CFAP45: variants seen among roughly 807,000 people sequenced by gnomAD.
The protein encoded by CFAP45 is cilia and flagella associated protein 45.
CFAP45 carries 43 observed loss-of-function variants against 75.6 expected under a neutral mutation model. That is an observed-to-expected ratio of 0.57 (90% CI 0.45 to 0.73). The LOEUF (loss-of-function observed/expected upper bound fraction) is 0.73. Ranked by LOEUF, CFAP45 falls within the 30% of genes least tolerant of loss-of-function variation. CFAP45 has a pLI of 0.00. For synonymous variants in CFAP45, 223 were observed against 244.6 expected (o/e 0.91, Z 0.82); for missense variants, 689 against 701.5 (o/e 0.98, Z 0.20).
intron 1 of CFAP45, among the ~76,000 whole-genome samples, chr1:159,896,616 T>C (rs1649956916): frequency 6.6e-6 from 1 of 152,138 alleles, no homozygotes; most frequent in Admixed American, 6.5e-5. Flanking sequence ...AAATAAATAT[T>C]GCCAAGAAGC....
chr1:159,877,263 C>T (rs1649424530), intron 9 of CFAP45, 86 bp downstream of exon 9: 2 of 962,122 alleles, frequency 2.1e-6, no homozygotes, highest in African/African-American at 1.6e-5. Context: ...CGCATCTCCA[C>T]CCTCAAGGCC....
intron 10 of CFAP45, chr1:159,873,500 T>C: frequency 3.1e-6 from 1 of 320,902 alleles, no homozygotes; most frequent in South Asian, 3.6e-5. Flanking sequence ...CCACACTCTC[T>C]TGCTCTGTCA....
chr1:159,874,581 C>T (rs1017246349), intron 10 of CFAP45, among the ~76,000 whole-genome samples: 1 of 152,166 alleles, frequency 6.6e-6, no homozygotes, highest in Non-Finnish European at 1.5e-5. Flanking sequence ...ATTGTTTCAC[C>T]CTCTTCTGAG....
intron 10 of CFAP45, among the ~76,000 whole-genome samples, chr1:159,875,747 C>T (rs1443966099): frequency 6.6e-6 from 1 of 152,138 alleles, no homozygotes; most frequent in East Asian, 1.9e-4. Context: ...GAGAGTCATT[C>T]CCAGTTAGAC....
chr1:159,881,071 C>T (rs1198368279), intron 7 of CFAP45, among the ~76,000 whole-genome samples: 1 of 152,220 alleles, frequency 6.6e-6, no homozygotes, highest in Non-Finnish European at 1.5e-5. Context: ...CCATTTAAAC[C>T]TAACTTTCAC....
At chr1:159,897,988 C>T in intron 1 of CFAP45, 1 of 443,848 alleles carries the variant, frequency 2.3e-6, no homozygotes, top group Non-Finnish European at 3.0e-6. Context: ...GTGAAGTTTC[C>T]CTGATGTAAC....
chr1:159,884,497 C>T lies in CFAP45; in HGVS notation c.836G>A (p.Arg279Gln), dbSNP rs767864203. 2.2e-5 allele frequency: 36 copies of T among 1,613,796 alleles called. No homozygotes were observed. The highest frequency in any genetic ancestry group is 1.6e-4 in the Middle Eastern group (1 of 6,084). ...CAGCATCTGCTCCTTCTCCTGCTCC[C>T]GCTGCTCAGCAAGCAGCGATCGCTC... ...QEERSLLAEQ[R>Q]EQEKEQMLEY... The change falls in exon 7 of 12, where the codon CGG (arginine) becomes CAG (glutamine). Residue 279 changes from arginine (R) to glutamine (Q), a missense_variant. Transcript: ENST00000368099.
intron 1 of CFAP45, among the ~76,000 whole-genome samples, chr1:159,895,081 A>C (rs1350371137): frequency 2.6e-5 from 4 of 152,240 alleles, no homozygotes; most frequent in African/African-American, 9.6e-5. Context: ...TTAAATTGGA[A>C]TTCTGGCTCT....
At chr1:159,877,533 C>T (rs578052825) in intron 8 of CFAP45, 71 bp from the exon 9 acceptor site, 4 of 1,039,724 alleles carry the variant, frequency 3.8e-6, no homozygotes, top group Admixed American at 1.7e-5. Context: ...AAAACCCCTA[C>T]AACAGACTTT....
Position 159,876,758 on chromosome 1 carries a change from G to C in CFAP45, c.1159-9C>G, listed in dbSNP as rs1173258158. On this transcript the variant is annotated splice_polypyrimidine_tract_variant and intron_variant, in intron 9 of 11. Coordinates refer to ENST00000368099, the MANE Select transcript of CFAP45 (RefSeq NM_012337.3). ...TTGGCCCGCAAGGCATCCTGGGAAT[G>C]TTGGCAGGGGACCAGTGAGGGCACA... 6.2e-7 allele frequency: 1 copy of C among 1,614,138 alleles called. No homozygotes were observed. The highest frequency in any genetic ancestry group is 1.3e-5 in the African/African-American group (1 of 75,058).
At position 159,893,232 on chromosome 1, in the gene CFAP45, C is replaced by T. The variant is rs368850939; in HGVS notation, c.77G>A (p.Arg26Gln). The T allele has an allele frequency of 5.0e-6, 8 of 1,613,980 alleles. No individual in the cohort carries two copies. The highest frequency in any genetic ancestry group is 1.7e-4 in the Middle Eastern group (1 of 5,998). The change falls in exon 2 of 12, where the codon CGG (arginine) becomes CAG (glutamine). Residue 26 changes from arginine (R) to glutamine (Q), a missense_variant. By Grantham distance (43) the Arg-to-Gln change is conservative. Coordinates refer to ENST00000368099, the MANE Select transcript of CFAP45 (RefSeq NM_012337.3). ...SNRSRNKARY[R>Q]TKAVSSEVDE... Reference sequence around the variant, plus strand: ...CACCTCAGAGCTCACGGCTTTGGTCCGATAGCGAGCCTTATTCCTTGACCT... The same window carrying T: ...CACCTCAGAGCTCACGGCTTTGGTCTGATAGCGAGCCTTATTCCTTGACCT...
Position 159,876,636 on chromosome 1 carries a change from C to A in CFAP45, c.1272G>T (p.Arg424=), listed in dbSNP as rs2101841154. ...GCTCCTTGAAAGCCACCTGTTCGAGCCGACTTTTTCGCAGCTCAGCCTCTG... is the reference window on the plus strand; with the variant it reads ...GCTCCTTGAAAGCCACCTGTTCGAGACGACTTTTTCGCAGCTCAGCCTCTG... ...METEAELRKS[R]LEQVAFKEHA... Residue 424 remains arginine, a synonymous_variant, in exon 10 of 12, where the codon CGG becomes CGT. Coordinates refer to ENST00000368099, the MANE Select transcript of CFAP45 (RefSeq NM_012337.3). 1 of 1,614,200 alleles carries A rather than the reference C, an allele frequency of 6.2e-7. No individual in the cohort carries two copies. Among genetic ancestry groups the A allele is most frequent in the East Asian group, 2.2e-5 (1 of 44,886 alleles).
Position 159,873,137 on chromosome 1 carries a change from G to T in CFAP45, c.1384C>A (p.Leu462Met), listed in dbSNP as rs776727032. The stretch of plus-strand genomic sequence containing the variant: ...CCTGTGGCCTTTTTCTCCTCCTCCA[G>T]CCGCTCCTTCTCAATCTGTTCTCTC... ...AQREQIEKER[L>M]EEEKKATGRL... The change falls in exon 11 of 12, where the codon CTG becomes ATG. Residue 462 changes from leucine to methionine, a missense_variant. Coordinates refer to ENST00000368099, the MANE Select transcript of CFAP45 (RefSeq NM_012337.3). 3 of 1,613,974 alleles carry T rather than the reference G, an allele frequency of 1.9e-6. No homozygotes were observed. The highest frequency in any genetic ancestry group is 3.3e-5 in the Admixed American group (2 of 60,018).
chr1:159,873,401 T>C, intron 10 of CFAP45: 1 of 578,626 alleles, frequency 1.7e-6, no homozygotes, highest in South Asian at 2.1e-5. Flanking sequence ...TGACTGTATG[T>C]CATGGGCATG....
At chr1:159,883,310 G>T (rs917673720) in intron 7 of CFAP45, among the ~76,000 whole-genome samples, 6 of 152,094 alleles carry the variant, frequency 3.9e-5, no homozygotes, top group African/African-American at 1.4e-4. Context: ...ATGAATGAAT[G>T]AATGGGGGAA....
At chr1:159,890,675 G>A (rs1410602298) in intron 2 of CFAP45, 53 bp from the exon 3 acceptor site, 18 of 1,579,186 alleles carry the variant, frequency 1.1e-5, no homozygotes, top group Non-Finnish European at 1.6e-5. Context: ...CTTCCTGCTG[G>A]TCAGTCCTAA....
In CFAP45 at chr1:159,872,570, G is replaced by C. The variant is rs755786021; in HGVS notation, c.1578-7C>G. On this transcript the variant is annotated splice_polypyrimidine_tract_variant and splice_region_variant and intron_variant, in intron 11 of 11. Transcript: ENST00000368099. ...CTCGGGAAGGCCAGTGGCTCTGCCG[G>C]GGAAACGCAGGCAGGTATAAGGAAA... is the stretch of plus-strand genomic sequence containing the variant. The C allele has an allele frequency of 1.2e-6, 2 of 1,612,946 alleles. No homozygotes were observed. Among genetic ancestry groups the C allele is most frequent in the East Asian group, 2.2e-5 (1 of 44,858 alleles).
chr1:159,879,221 T>C (rs1486416001), intron 8 of CFAP45, among the ~76,000 whole-genome samples: 1 of 152,136 alleles, frequency 6.6e-6, no homozygotes, highest in Admixed American at 6.5e-5. Flanking sequence ...TGCTCTTAGC[T>C]CTCTGTCATC....
intron 3 of CFAP45, 115 bp from the exon 4 acceptor site, chr1:159,888,611 G>A: frequency 1.0e-6 from 1 of 971,870 alleles, no homozygotes; most frequent in Non-Finnish European, 1.5e-6. Flanking sequence ...TCCCCCAATG[G>A]CAGAAGAGAC....
Sources: gnomAD v4.1 joint callset for allele counts (sites outside exome capture counted in the v4.1 genomes callset) on GRCh38, gnomAD v4.1.1 for gene constraint, MANE v1.5 for transcripts, NCBI Gene and HGNC (gene_info 2026-07-23, HGNC 2026-07-21) for gene names.